ABCB11: variants seen among roughly 807,000 people sequenced by gnomAD.
ABCB11 encodes bile salt export pump.
In ABCB11, 95 loss-of-function variants were observed where a neutral mutation model predicts 148.0. The ratio of observed to expected loss-of-function variants is 0.64; its 90% CI spans 0.54 to 0.76. ABCB11 has a LOEUF of 0.76. Ranked by LOEUF, ABCB11 falls within the 30% of genes least tolerant of loss-of-function variation. The probability of loss-of-function intolerance (pLI) is 0.00; values close to 1 mark genes in which losing one functional copy is unlikely to be tolerated. For missense variants in ABCB11, 1,523 were observed against 1,617.8 expected (o/e 0.94, Z 1.01); for synonymous variants, 591 against 555.4 (o/e 1.06, Z -0.90).
At chr2:169,028,972 T>A (rs1448689044) in intron 1 of ABCB11, among the ~76,000 whole-genome samples, 3 of 152,140 alleles carry the variant, frequency 2.0e-5, no homozygotes, top group Non-Finnish European at 4.4e-5. Context: ...CAGGCCAAGA[T>A]GGTAAGAAGA....
intron 9 of ABCB11, among the ~76,000 whole-genome samples, chr2:168,988,435 TC>T: frequency 6.6e-6 from 1 of 152,266 alleles, no homozygotes; most frequent in Non-Finnish European, 1.5e-5. Flanking sequence ...AACAGTATTT[TC>T]TTCTTTTTAA....
At chr2:168,927,459 TTTGC>T in intron 25 of ABCB11, 97 bp from the exon 26 acceptor site, 4 of 1,039,552 alleles carry the variant, frequency 3.8e-6, no homozygotes, top group Non-Finnish European at 5.7e-6. Flanking sequence ...GGACATTTGG[TTTGC>T]TTAACAGACT....
At chr2:168,937,512 C>T (rs1031380662) in intron 21 of ABCB11, among the ~76,000 whole-genome samples, 6 of 152,216 alleles carry the variant, frequency 3.9e-5, no homozygotes, top group Admixed American at 1.3e-4. Flanking sequence ...ATAGCTTATC[C>T]GAAGTTCATT....
chr2:169,030,070 A>G (rs1275049337), intron 1 of ABCB11, among the ~76,000 whole-genome samples: 1 of 151,576 alleles, frequency 6.6e-6, no homozygotes, highest in Non-Finnish European at 1.5e-5. Context: ...GCAAAACACA[A>G]CTCCAGTATT....
chr2:168,998,597 C>T (rs3770599), intron 5 of ABCB11, among the ~76,000 whole-genome samples: 33,311 of 118,632 alleles, frequency 0.28, 4,633 homozygotes, highest in East Asian at 0.61. Context: ...AAAATGATAA[C>T]AATAAATAAC....
intron 19 of ABCB11, among the ~76,000 whole-genome samples, chr2:168,949,508 C>G (rs918460554): frequency 1.1e-4 from 16 of 151,600 alleles, no homozygotes; most frequent in Admixed American, 2.6e-4. Flanking sequence ...CCAGTTCTGT[C>G]CATGTTGCTG....
At chr2:169,001,970 T>C (rs894542961) in intron 5 of ABCB11, among the ~76,000 whole-genome samples, 1 of 152,150 alleles carries the variant, frequency 6.6e-6, no homozygotes, top group African/African-American at 2.4e-5. Flanking sequence ...AAGACAGAGA[T>C]TGTCAGATTG....
chr2:168,965,242 T>C (rs747523537), intron 17 of ABCB11, among the ~76,000 whole-genome samples: 19 of 151,792 alleles, frequency 1.3e-4, no homozygotes, highest in Non-Finnish European at 2.7e-4. Context: ...GGTTGCTTGC[T>C]GAATATACTG....
At chr2:169,013,017 A>T (rs1209206691) in intron 5 of ABCB11, among the ~76,000 whole-genome samples, 1 of 152,156 alleles carries the variant, frequency 6.6e-6, no homozygotes, top group Non-Finnish European at 1.5e-5. Context: ...GCCTATACTC[A>T]ATAAAGTGGT....
intron 11 of ABCB11, among the ~76,000 whole-genome samples, chr2:168,979,443 T>C (rs1694052070): frequency 6.6e-6 from 1 of 152,136 alleles, no homozygotes; most frequent in Non-Finnish European, 1.5e-5. Context: ...TTATTTCCTT[T>C]ATTTACTTAC....
In ABCB11 at chr2:168,924,687, G is replaced by C; in HGVS notation, c.3735C>G (p.Ala1245=). ...RDPKILLLDE[A]TSALDTESEK... ...CACTTTCTGTGTCTAAGGCAGAAGT[G>C]GCTTCATCTAGTAGCAAGATTTTAG... Residue 1245 remains alanine (A), a synonymous_variant, in exon 27 of 28, where the codon GCC becomes GCG. Coordinates refer to ENST00000650372, the MANE Select transcript of ABCB11 (RefSeq NM_003742.4). The C allele has an allele frequency of 1.9e-6, 3 of 1,613,662 alleles. No individual in the cohort carries two copies. Among genetic ancestry groups the C allele is most frequent in the Non-Finnish European group, 2.5e-6 (3 of 1,179,804 alleles).
At chr2:169,016,863 A>T in intron 2 of ABCB11, 64 bp from the exon 3 acceptor site, 1 of 1,277,926 alleles carries the variant, frequency 7.8e-7, no homozygotes, top group South Asian at 1.4e-5. Flanking sequence ...CAACGCAGTC[A>T]TTAAGAAATT....
chr2:168,980,977 C>T (rs1358696450), intron 10 of ABCB11, among the ~76,000 whole-genome samples: 2 of 152,138 alleles, frequency 1.3e-5, no homozygotes, highest in Admixed American at 6.5e-5. Flanking sequence ...TCTTGTGACT[C>T]GCATAGAGGA....
intron 21 of ABCB11, 122 bp from the exon 22 acceptor site, chr2:168,936,555 T>C: frequency 1.2e-6 from 1 of 851,270 alleles, no homozygotes; most frequent in Non-Finnish European, 1.8e-6. Flanking sequence ...ATATATATCA[T>C]TTTAACCATT....
chr2:168,932,993 C>T (rs1033555143), intron 23 of ABCB11, among the ~76,000 whole-genome samples: 7 of 151,440 alleles, frequency 4.6e-5, no homozygotes, highest in African/African-American at 1.7e-4. Flanking sequence ...CCTGTGGTCC[C>T]AGCTACTCGG....
At chr2:168,934,645 A>G (rs1691735461) in intron 23 of ABCB11, among the ~76,000 whole-genome samples, 1 of 152,210 alleles carries the variant, frequency 6.6e-6, no homozygotes, top group Admixed American at 6.5e-5. Context: ...GAACCATCTT[A>G]GCCAAGACCT....
At chr2:168,957,892 A>G in intron 19 of ABCB11, 72 bp downstream of exon 19, 1 of 1,307,864 alleles carries the variant, frequency 7.6e-7, no homozygotes. Context: ...ACATGAAAAC[A>G]AAGAGCGGAC....
At chr2:169,025,019 AT>A (rs3836045) in intron 1 of ABCB11, among the ~76,000 whole-genome samples, 12,174 of 151,710 alleles carry the variant, frequency 0.08, 554 homozygotes, top group East Asian at 0.2. Context: ...TTTTAACCAA[AT>A]TTTTTTTTCA....
chr2:168,987,515 A>G (rs1014704346), intron 9 of ABCB11, among the ~76,000 whole-genome samples: 4 of 152,026 alleles, frequency 2.6e-5, no homozygotes, highest in African/African-American at 9.7e-5. Context: ...TGTAACCTCA[A>G]ACTCCCCAGA....
Sources: gnomAD v4.1 joint callset for allele counts (sites outside exome capture counted in the v4.1 genomes callset) on GRCh38, gnomAD v4.1.1 for gene constraint, MANE v1.5 for transcripts, NCBI Gene and HGNC (gene_info 2026-07-23, HGNC 2026-07-21) for gene names.